Variants in TBC1D22A observed in about 807,000 individuals in gnomAD.
TBC1D22A encodes putative GTPase activator.
Under a neutral mutation model 60.2 loss-of-function variants are expected in TBC1D22A, and 38 were observed. That is an observed-to-expected ratio of 0.63 (90% CI 0.49 to 0.83). The LOEUF is 0.83. Among genes scored for constraint, TBC1D22A ranks in the 40% least tolerant of loss-of-function variants. The probability of loss-of-function intolerance (pLI) is 0.00; values close to 1 mark genes in which losing one functional copy is unlikely to be tolerated. For synonymous variants in TBC1D22A, 302 were observed against 281.7 expected, an observed-to-expected ratio of 1.07 and a Z score of -0.72; for missense variants, 628 against 701.0, an observed-to-expected ratio of 0.90 and a Z score of 1.18.
At chr22:46,792,058 G>T (rs533803261) in intron 1 of TBC1D22A, among the ~76,000 whole-genome samples, 71 of 152,352 alleles carry the variant, frequency 4.7e-4, no homozygotes, top group Non-Finnish European at 7.8e-4. Context: ...ACCGTGCCAA[G>T]CCTGTTCAAT....
chr22:46,955,321 A>AAAAT (rs981538991), intron 8 of TBC1D22A, among the ~76,000 whole-genome samples: 10 of 152,264 alleles, frequency 6.6e-5, no homozygotes, highest in Admixed American at 1.3e-4. Context: ...AAGGCCAAAC[A>AAAAT]AAATAAATTA....
At chr22:47,075,208 G>A (rs2064153916) in intron 11 of TBC1D22A, among the ~76,000 whole-genome samples, 1 of 130,556 alleles carries the variant, frequency 7.7e-6, no homozygotes, top group South Asian at 2.5e-4. Flanking sequence ...GGGCGACAGA[G>A]CGAGATTCCG....
intron 11 of TBC1D22A, among the ~76,000 whole-genome samples, chr22:47,057,707 G>C (rs2063440453): frequency 1.3e-5 from 2 of 152,194 alleles, no homozygotes; most frequent in South Asian, 4.1e-4. Context: ...CAGATCTCAT[G>C]AGACTTACTC....
At chr22:46,909,303 C>A (rs1327651253) in intron 7 of TBC1D22A, among the ~76,000 whole-genome samples, 1 of 152,018 alleles carries the variant, frequency 6.6e-6, no homozygotes, top group Non-Finnish European at 1.5e-5. Context: ...CATACACACA[C>A]ACACACACAC....
intron 4 of TBC1D22A, among the ~76,000 whole-genome samples, chr22:46,815,448 G>T (rs1033863488): frequency 6.6e-6 from 1 of 152,220 alleles, no homozygotes. Context: ...ATGTTTTCTC[G>T]CTCAGAGTAC....
chr22:46,899,461 A>AAAAAAAAG (rs111778552), intron 7 of TBC1D22A, among the ~76,000 whole-genome samples: 1 of 151,024 alleles, frequency 6.6e-6, no homozygotes, highest in African/African-American at 2.4e-5. Flanking sequence ...AAAAAAAAAA[A>AAAAAAAAG]TTTGTCTTGT....
At chr22:46,982,676 G>A (rs989834544) in intron 9 of TBC1D22A, among the ~76,000 whole-genome samples, 2 of 152,212 alleles carry the variant, frequency 1.3e-5, no homozygotes, top group African/African-American at 2.4e-5. Context: ...ACAACGAATC[G>A]ATGTCATTGG....
chr22:47,045,778 A>G (rs2063011605), intron 11 of TBC1D22A, among the ~76,000 whole-genome samples: 2 of 152,124 alleles, frequency 1.3e-5, no homozygotes, highest in African/African-American at 4.8e-5. Context: ...GCAACCTGTG[A>G]GTGGACCAGT....
At chr22:47,108,504 G>C (rs2065722788) in intron 11 of TBC1D22A, among the ~76,000 whole-genome samples, 1 of 152,220 alleles carries the variant, frequency 6.6e-6, no homozygotes, top group Non-Finnish European at 1.5e-5. Flanking sequence ...GTAAGCTAAT[G>C]TATAGTGACA....
chr22:46,947,477 A>G (rs1250913450), intron 8 of TBC1D22A, among the ~76,000 whole-genome samples: 1 of 152,180 alleles, frequency 6.6e-6, no homozygotes, highest in Non-Finnish European at 1.5e-5. Context: ...TGGGGCAATA[A>G]GGGCCTAGAA....
chr22:47,063,065 C>G (rs1169728277), intron 11 of TBC1D22A, among the ~76,000 whole-genome samples: 2 of 152,042 alleles, frequency 1.3e-5, no homozygotes, highest in Non-Finnish European at 2.9e-5. Context: ...GGTGGAGAAA[C>G]AGGATGGGCA....
At chr22:46,786,566 G>A (rs2084167647) in intron 1 of TBC1D22A, among the ~76,000 whole-genome samples, 1 of 152,094 alleles carries the variant, frequency 6.6e-6, no homozygotes, top group African/African-American at 2.4e-5. Context: ...GGTTTTGGAA[G>A]GATTTATGAA....
chr22:46,959,639 C>T (rs777894092), intron 8 of TBC1D22A, among the ~76,000 whole-genome samples: 5 of 152,128 alleles, frequency 3.3e-5, no homozygotes, highest in Non-Finnish European at 5.9e-5. Flanking sequence ...TCCTTCGGCT[C>T]GGTTCTGGTG....
At chr22:47,101,200 C>T (rs1275370727) in intron 11 of TBC1D22A, among the ~76,000 whole-genome samples, 1 of 152,190 alleles carries the variant, frequency 6.6e-6, no homozygotes, top group African/African-American at 2.4e-5. Context: ...TTAATCAGAA[C>T]CATATTCATC....
At chr22:46,948,860 C>T (rs1312033127) in intron 8 of TBC1D22A, among the ~76,000 whole-genome samples, 1 of 152,192 alleles carries the variant, frequency 6.6e-6, no homozygotes, top group East Asian at 1.9e-4. Context: ...ATCAGAAAAT[C>T]AGAAAATCAC....
intron 8 of TBC1D22A, among the ~76,000 whole-genome samples, chr22:46,959,516 C>G (rs2073383585): frequency 1.3e-5 from 2 of 152,172 alleles, no homozygotes; most frequent in South Asian, 4.1e-4. Context: ...TTTGAGAGGC[C>G]TGCTGGGAGT....
chr22:47,110,991 G>GCGTC (rs2065824129), intron 11 of TBC1D22A, among the ~76,000 whole-genome samples: 1 of 152,174 alleles, frequency 6.6e-6, no homozygotes, highest in African/African-American at 2.4e-5. Flanking sequence ...GTGTCCTTCC[G>GCGTC]CGTCCGTGGC....
intron 11 of TBC1D22A, among the ~76,000 whole-genome samples, chr22:47,091,716 T>C (rs2064984996): frequency 6.6e-6 from 1 of 152,154 alleles, no homozygotes; most frequent in African/African-American, 2.4e-5. Context: ...GGTCTGGGTC[T>C]CAGAGGTCCT....
intron 1 of TBC1D22A, among the ~76,000 whole-genome samples, chr22:46,780,299 T>G (rs1472410242): frequency 6.6e-6 from 1 of 152,230 alleles, no homozygotes; most frequent in African/African-American, 2.4e-5. Flanking sequence ...CAGAGAAGCA[T>G]TTAATCGTAA....
Sources: gnomAD v4.1 joint callset for allele counts (sites outside exome capture counted in the v4.1 genomes callset) on GRCh38, gnomAD v4.1.1 for gene constraint, MANE v1.5 for transcripts, NCBI Gene and HGNC (gene_info 2026-07-23, HGNC 2026-07-21) for gene names.